The following ZNF486 variants were observed in gnomAD, a reference collection of about 807,000 sequenced individuals.
The protein encoded by ZNF486 is KRAB box only protein 2.
Under a neutral mutation model 12.8 loss-of-function variants are expected in ZNF486, and 12 were observed. That is an observed-to-expected ratio of 0.94 (90% confidence interval 0.60 to 1.52). ZNF486 has a LOEUF of 1.52. Among genes scored for constraint, ZNF486 ranks in the 40% most tolerant of loss-of-function variants. The probability of loss-of-function intolerance (pLI) is 0.00; values close to 1 mark genes in which losing one functional copy is unlikely to be tolerated. For synonymous variants in ZNF486, 231 were observed against 184.9 expected, an observed-to-expected ratio of 1.25 and a Z score of -2.02; for missense variants, 738 against 545.0, an observed-to-expected ratio of 1.35 and a Z score of -3.53.
At chr19:20,193,318 T>C (rs1336200234) in intron 3 of ZNF486, among the ~76,000 whole-genome samples, 2 of 150,718 alleles carry the variant, frequency 1.3e-5, no homozygotes, top group Admixed American at 6.6e-5. Flanking sequence ...TTTTTGAAAC[T>C]GGGTCTCACT....
At chr19:20,178,550 T>A (rs1325900698) in intron 1 of ZNF486, among the ~76,000 whole-genome samples, 3 of 152,030 alleles carry the variant, frequency 2.0e-5, no homozygotes, top group Non-Finnish European at 4.4e-5. Context: ...CCAAAGAAAA[T>A]TGTTCTTCTA....
intron 3 of ZNF486, among the ~76,000 whole-genome samples, chr19:20,196,729 A>G (rs925958413): frequency 4.6e-5 from 7 of 151,720 alleles, no homozygotes; most frequent in Non-Finnish European, 8.8e-5. Flanking sequence ...GACTGTTTGC[A>G]TTGTGCTCAC....
intron 1 of ZNF486, among the ~76,000 whole-genome samples, chr19:20,175,944 G>A (rs531327758): frequency 6.6e-6 from 1 of 151,122 alleles, no homozygotes; most frequent in Non-Finnish European, 1.5e-5. Flanking sequence ...GGATGGGGCG[G>A]CTGGCCGGGC....
At chr19:20,186,784 G>GTTTTTTTTT (rs57907168) in intron 3 of ZNF486, among the ~76,000 whole-genome samples, 1,979 of 122,198 alleles carry the variant, frequency 0.016, 114 homozygotes, top group East Asian at 0.052. Flanking sequence ...ATTTTCATAG[G>GTTTTTTTTT]TTTTTTTTTT....
chr19:20,193,188 GGTTT>G (rs1434386390), intron 3 of ZNF486, among the ~76,000 whole-genome samples: 64 of 150,662 alleles, frequency 4.2e-4, no homozygotes, highest in African/African-American at 1.3e-3. Flanking sequence ...TATATTTTAT[GGTTT>G]GTTACTGATA....
intron 3 of ZNF486, among the ~76,000 whole-genome samples, chr19:20,194,570 T>A (rs1396773829): frequency 6.6e-6 from 1 of 151,918 alleles, no homozygotes; most frequent in Non-Finnish European, 1.5e-5. Context: ...GTACTGAAAA[T>A]ACAAAAAAGT....
rs138465451 is a variant in ZNF486 at position 20,198,649 on chromosome 19, A to T, written c.*547A>T. 2.3e-3 allele frequency: 356 copies of T among 154,400 alleles called. 5 individuals carry two copies. The highest frequency in any genetic ancestry group is 3.8e-3 in the Non-Finnish European group (266 of 69,588). 9.6% of individuals were successfully genotyped at this position (154,400 alleles called of 1,614,324 possible). A position where few individuals can be genotyped will look rare whatever the true frequency, so the allele number is the denominator to read the frequency against. On this transcript the variant is annotated 3_prime_UTR_variant, in exon 4 of 4. Coordinates refer to ENST00000335117, the MANE Select transcript of ZNF486 (RefSeq NM_052852.4). ...GCCATTCTCCTGCCTCAGCCTCCCA[A>T]GTAGCTGGGATTACAGGTGCCACCA... is the stretch of plus-strand genomic sequence containing the variant.
At chr19:20,193,632 G>T (rs1421804103) in intron 3 of ZNF486, among the ~76,000 whole-genome samples, 1 of 151,940 alleles carries the variant, frequency 6.6e-6, no homozygotes, top group Non-Finnish European at 1.5e-5. Flanking sequence ...CTGTACTCCA[G>T]CCTGGACAAC....
chr19:20,174,431 C>A (rs2089683124), intron 1 of ZNF486, among the ~76,000 whole-genome samples: 1 of 151,526 alleles, frequency 6.6e-6, no homozygotes, highest in Non-Finnish European at 1.5e-5. Context: ...CTCTGTTGCC[C>A]AAGCTGCAGT....
At chr19:20,174,337 G>A (rs899094884) in intron 1 of ZNF486, among the ~76,000 whole-genome samples, 3 of 151,912 alleles carry the variant, frequency 2.0e-5, no homozygotes, top group Admixed American at 1.3e-4. Context: ...TATGTGTAAT[G>A]TTTGTAGACA....
intron 1 of ZNF486, among the ~76,000 whole-genome samples, chr19:20,175,585 C>T (rs979372383): frequency 4.0e-5 from 6 of 151,590 alleles, no homozygotes; most frequent in East Asian, 1.9e-4. Flanking sequence ...CATCTTGCAC[C>T]GCCCTTAATC....
At chr19:20,193,464 A>T (rs1328652519) in intron 3 of ZNF486, among the ~76,000 whole-genome samples, 1 of 152,050 alleles carries the variant, frequency 6.6e-6, no homozygotes, top group South Asian at 2.1e-4. Flanking sequence ...GTTCGAGAGC[A>T]GCCTGGCCAA....
intron 1 of ZNF486, among the ~76,000 whole-genome samples, chr19:20,174,542 C>T (rs2089684429): frequency 6.6e-6 from 1 of 152,074 alleles, no homozygotes; most frequent in South Asian, 2.1e-4. Flanking sequence ...GCATGCATCA[C>T]TGTTCCTGGC....
At position 20,167,294 on chromosome 19, in the gene ZNF486, C is replaced by T. The variant is rs781839853; in HGVS notation, c.-37C>T. 1 of 1,613,938 alleles carries T rather than the reference C, an allele frequency of 6.2e-7. No individual in the cohort carries two copies. Among genetic ancestry groups the T allele is most frequent in the African/African-American group, 1.3e-5 (1 of 75,020 alleles). On this transcript the variant is annotated 5_prime_UTR_variant, in exon 1 of 4. Coordinates refer to ENST00000335117, the MANE Select transcript of ZNF486 (RefSeq NM_052852.4). ...CTCCTAGAGGCCCACCCTCTGTGGC[C>T]CTGTGTCCTGTAGGTATTGGGAGAT...
intron 3 of ZNF486, among the ~76,000 whole-genome samples, chr19:20,187,632 GCTGGGA>G (rs1555716704): frequency 6.6e-6 from 1 of 151,244 alleles, no homozygotes; most frequent in Non-Finnish European, 1.5e-5. Flanking sequence ...CTCCCGAGTA[GCTGGGA>G]CTACAGGCGC....
intron 3 of ZNF486, among the ~76,000 whole-genome samples, chr19:20,194,820 T>A (rs572616218): frequency 6.3e-4 from 96 of 152,346 alleles, no homozygotes; most frequent in Non-Finnish European, 1.1e-3. Context: ...TATTCTTATA[T>A]GTGATTTTTG....
At chr19:20,194,415 G>T (rs1433990460) in intron 3 of ZNF486, among the ~76,000 whole-genome samples, 1 of 151,988 alleles carries the variant, frequency 6.6e-6, no homozygotes, top group African/African-American at 2.4e-5. Context: ...TTTTTCTGAC[G>T]TGTAAGAATG....
At chr19:20,184,210 A>G (rs1555715972) in intron 1 of ZNF486, 146 bp from the exon 2 acceptor site, 1 of 1,237,536 alleles carries the variant, frequency 8.1e-7, no homozygotes, top group Admixed American at 2.4e-5. Context: ...ATTAGAAAAT[A>G]TTTCTGTATT....
At chr19:20,173,012 T>C (rs1555714133) in intron 1 of ZNF486, among the ~76,000 whole-genome samples, 2 of 152,178 alleles carry the variant, frequency 1.3e-5, no homozygotes, top group Non-Finnish European at 2.9e-5. Context: ...GTTTATTTTG[T>C]AGATTGTTTA....
Sources: gnomAD v4.1 joint callset for allele counts (sites outside exome capture counted in the v4.1 genomes callset) on GRCh38, gnomAD v4.1.1 for gene constraint, MANE v1.5 for transcripts, NCBI Gene and HGNC (gene_info 2026-07-23, HGNC 2026-07-21) for gene names.